Variants in TENM3 observed in about 807,000 individuals in gnomAD.
TENM3 encodes the protein teneurin transmembrane protein 3, also known as teneurin-3.
TENM3 carries 63 observed loss-of-function variants against 255.1 expected under a neutral mutation model. That is an observed-to-expected ratio of 0.25 (90% CI 0.20 to 0.30). The LOEUF (loss-of-function observed/expected upper bound fraction) is 0.30. Among genes scored for constraint, TENM3 ranks in the 10% least tolerant of loss-of-function variants. The pLI is 1.00. For synonymous variants in TENM3, 1,306 were observed against 1,322.3 expected (o/e 0.99, Z 0.27); for missense variants, 2,929 against 3,461.1 (o/e 0.85, Z 3.86).
At chr4:181,632,800 C>A in the TENM3 span, among the ~76,000 whole-genome samples, 1 of 151,912 alleles carries the variant, frequency 6.6e-6, no homozygotes, top group East Asian at 1.9e-4. Flanking sequence ...TAAAGGAGGC[C>A]GTTAAGAATA....
chr4:182,496,749 G>A (rs1170446412), intron 3 of TENM3, among the ~76,000 whole-genome samples: 5 of 152,082 alleles, frequency 3.3e-5, no homozygotes, highest in African/African-American at 1.2e-4. Flanking sequence ...TGTGCTTTAC[G>A]ATTTATCATA....
the TENM3 span, among the ~76,000 whole-genome samples, chr4:181,562,618 G>C: frequency 6.6e-6 from 1 of 151,354 alleles, no homozygotes; most frequent in Non-Finnish European, 1.5e-5. Flanking sequence ...CAGCAAAATA[G>C]CCACTTTCCA....
At chr4:181,511,404 G>A in the TENM3 span, among the ~76,000 whole-genome samples, 8 of 152,284 alleles carry the variant, frequency 5.3e-5, no homozygotes, top group East Asian at 1.5e-3. Context: ...GGAGTACTGG[G>A]GGCCTCTCCT....
chr4:181,670,800 A>G, the TENM3 span, among the ~76,000 whole-genome samples: 2 of 152,232 alleles, frequency 1.3e-5, no homozygotes, highest in African/African-American at 4.8e-5. Context: ...GCCCTAGGGC[A>G]AGCACAAGAT....
At chr4:182,103,921 T>A in the TENM3 span, among the ~76,000 whole-genome samples, 1,570 of 152,326 alleles carry the variant, frequency 0.01, 22 homozygotes, top group African/African-American at 0.021. Context: ...GTTCTTTGTA[T>A]TTGCAGATAT....
intron 5 of TENM3, among the ~76,000 whole-genome samples, chr4:182,636,716 CAA>C (rs58957542): frequency 1.9e-4 from 23 of 122,916 alleles, no homozygotes; most frequent in East Asian, 2.7e-4. Context: ...GACTCTGTCT[CAA>C]AAAAAAAAAA....
At chr4:181,918,713 A>G in the TENM3 span, among the ~76,000 whole-genome samples, 2 of 152,106 alleles carry the variant, frequency 1.3e-5, no homozygotes, top group African/African-American at 4.8e-5. Context: ...TTTAAAAAAA[A>G]AGAAGTTTAA....
chr4:182,161,957 GTGTATATATATATATATATATA>G lies in TENM3; in HGVS notation c.-76+17205_-76+17226del, dbSNP rs1364386883. 8.3e-4 allele frequency among the ~76,000 whole-genome samples: 37 copies of G among 44,768 alleles called. 1 individual carries two copies. Among genetic ancestry groups the G allele is most frequent in the Admixed American group, 1.2e-3 (5 of 4,168 alleles). 29.4% of individuals were successfully genotyped at this position (44,768 alleles called of 152,430 possible). A position where few individuals can be genotyped will look rare whatever the true frequency, so the allele number is the denominator to read the frequency against. ...CACATATATATATTTGTGTGTGTGT[GTGTATATATATATATATATATA>G]TATATATATATATATATGATGCAAA... On this transcript the variant is annotated intron_variant, in intron 1 of 2. Coordinates refer to the TENM3 transcript ENST00000512480.
intron 5 of TENM3, among the ~76,000 whole-genome samples, chr4:182,653,002 A>G (rs1233465273): frequency 1.3e-5 from 2 of 152,186 alleles, no homozygotes; most frequent in Non-Finnish European, 2.9e-5. Flanking sequence ...ATTTCAAATT[A>G]TGTCTGGAAT....
intron 1 of TENM3, among the ~76,000 whole-genome samples, chr4:182,235,932 C>G (rs146406846): frequency 6.4e-4 from 97 of 152,294 alleles, no homozygotes; most frequent in Non-Finnish European, 1.0e-3. Flanking sequence ...CCTCTTGGAG[C>G]TTACTGTTTA....
At chr4:182,531,359 T>C (rs1393713470) in intron 3 of TENM3, among the ~76,000 whole-genome samples, 1 of 152,072 alleles carries the variant, frequency 6.6e-6, no homozygotes, top group Non-Finnish European at 1.5e-5. Context: ...AAGTTACAAA[T>C]CCCAAAGACA....
At chr4:181,564,376 A>G in the TENM3 span, among the ~76,000 whole-genome samples, 1 of 152,182 alleles carries the variant, frequency 6.6e-6, no homozygotes, top group Non-Finnish European at 1.5e-5. Flanking sequence ...AGGAATGAGG[A>G]TAATGAGGCA....
At chr4:182,314,497 C>A (rs1762641227) in intron 1 of TENM3, among the ~76,000 whole-genome samples, 1 of 152,212 alleles carries the variant, frequency 6.6e-6, no homozygotes, top group Admixed American at 6.5e-5. Context: ...TCTTTTGAAT[C>A]ACTGCACAGC....
At chr4:182,111,759 A>C in the TENM3 span, among the ~76,000 whole-genome samples, 1 of 152,180 alleles carries the variant, frequency 6.6e-6, no homozygotes, top group Admixed American at 6.5e-5. Context: ...ACCTCAAGAC[A>C]GGCTGGAGGA....
chr4:182,388,502 G>C (rs769987277), intron 3 of TENM3, among the ~76,000 whole-genome samples: 5 of 152,008 alleles, frequency 3.3e-5, no homozygotes, highest in Non-Finnish European at 7.4e-5. Context: ...ACATTTAATA[G>C]GTATGGATTT....
At chr4:182,083,448 T>C in the TENM3 span, among the ~76,000 whole-genome samples, 2 of 152,222 alleles carry the variant, frequency 1.3e-5, no homozygotes, top group Non-Finnish European at 2.9e-5. Context: ...AATAATCTGA[T>C]GGAGAAGAAA....
At chr4:181,818,797 T>A in the TENM3 span, among the ~76,000 whole-genome samples, 1 of 152,040 alleles carries the variant, frequency 6.6e-6, no homozygotes, top group Non-Finnish European at 1.5e-5. Flanking sequence ...GAGATGGAGT[T>A]TCACCACTTT....
chr4:181,468,926 A>G, the TENM3 span, among the ~76,000 whole-genome samples: 2 of 152,142 alleles, frequency 1.3e-5, no homozygotes, highest in Non-Finnish European at 2.9e-5. Flanking sequence ...TTTCTCTCCT[A>G]TGTAAATTTG....
chr4:182,332,549 C>G (rs1465558361), intron 2 of TENM3, among the ~76,000 whole-genome samples: 1 of 151,978 alleles, frequency 6.6e-6, no homozygotes, highest in East Asian at 1.9e-4. Context: ...CAAAAACTAG[C>G]TGGGCGTGGT....
Sources: gnomAD v4.1 joint callset for allele counts (sites outside exome capture counted in the v4.1 genomes callset) on GRCh38, gnomAD v4.1.1 for gene constraint, MANE v1.5 for transcripts, NCBI Gene and HGNC (gene_info 2026-07-23, HGNC 2026-07-21) for gene names.